Variants in LIN7A observed in about 807,000 individuals in gnomAD.
The protein encoded by LIN7A is protein lin-7 homolog A.
In LIN7A, 25 loss-of-function variants were observed where a neutral mutation model predicts 29.8. The observed-to-expected ratio is 0.84, with a 90% CI of 0.61 to 1.17. LIN7A has a LOEUF of 1.17. Among genes scored for constraint, LIN7A ranks in the 50% most tolerant of loss-of-function variants. LIN7A has a pLI of 0.00. For missense variants in LIN7A, 239 were observed against 287.0 expected (o/e 0.83, Z 1.21); for synonymous variants, 118 against 107.5 (o/e 1.10, Z -0.60).
intron 5 of LIN7A, among the ~76,000 whole-genome samples, chr12:80,808,468 T>A (rs1275818195): frequency 6.6e-6 from 1 of 152,070 alleles, no homozygotes; most frequent in Non-Finnish European, 1.5e-5. Context: ...CAGTGTCAAA[T>A]AAATAATGTG....
intron 1 of LIN7A, among the ~76,000 whole-genome samples, chr12:80,912,117 C>T (rs1876779528): frequency 6.6e-6 from 1 of 152,094 alleles, no homozygotes; most frequent in Admixed American, 6.5e-5. Context: ...GCAAATGAAA[C>T]AGGAAATTAG....
chr12:80,929,761 T>C lies in LIN7A; in HGVS notation c.82+7880A>G, dbSNP rs555165228. On this transcript the variant is annotated intron_variant, in intron 1 of 5. Transcript: ENST00000552864. The stretch of plus-strand genomic sequence containing the variant: ...CACATTTTATATATATTTTAAAATA[T>C]ATATATGGGCCAAGAGGCAACAAAT... 1.4e-3 allele frequency among the ~76,000 whole-genome samples: 214 copies of C among 152,248 alleles called. 2 individuals are homozygous for C. The highest frequency in any genetic ancestry group is 5.0e-3 in the African/African-American group (206 of 41,568).
At chr12:80,818,710 A>G (rs1364777211) in intron 4 of LIN7A, among the ~76,000 whole-genome samples, 1 of 152,218 alleles carries the variant, frequency 6.6e-6, no homozygotes, top group Non-Finnish European at 1.5e-5. Flanking sequence ...TAAGATCTGT[A>G]GCAATATGAC....
At chr12:80,819,425 T>C (rs536515152) in intron 4 of LIN7A, among the ~76,000 whole-genome samples, 1 of 152,352 alleles carries the variant, frequency 6.6e-6, no homozygotes, top group African/African-American at 2.4e-5. Flanking sequence ...TTGTTCTTGC[T>C]TTATGCTAAT....
At chr12:80,931,791 A>G (rs972139656) in intron 1 of LIN7A, among the ~76,000 whole-genome samples, 4 of 152,210 alleles carry the variant, frequency 2.6e-5, no homozygotes, top group African/African-American at 9.7e-5. Context: ...AGAGCAAGCA[A>G]GCGCTTACTT....
intron 5 of LIN7A, among the ~76,000 whole-genome samples, chr12:80,809,552 G>T (rs927550884): frequency 6.6e-6 from 1 of 152,126 alleles, no homozygotes; most frequent in Non-Finnish European, 1.5e-5. Flanking sequence ...GGAGTAAAAA[G>T]GAAAAGAATT....
rs1413563429 is a variant in LIN7A at position 80,793,463 on chromosome 12, T to C, written c.*4264A>G. 1 of 152,182 alleles carries C rather than the reference T, an allele frequency of 6.6e-6. No homozygotes were observed. The highest frequency in any genetic ancestry group is 1.5e-5 in the Non-Finnish European group (1 of 68,008). 9.4% of individuals were successfully genotyped at this position (152,182 alleles called of 1,614,324 possible). A position where few individuals can be genotyped will look rare whatever the true frequency, so the allele number is the denominator to read the frequency against. On this transcript the variant is annotated 3_prime_UTR_variant, in exon 6 of 6. Coordinates refer to ENST00000552864, the MANE Select transcript of LIN7A (RefSeq NM_004664.4). Reference sequence around the variant, plus strand: ...ATGGGGTGAGGAATTTTATTTTTTCTATCAGGTGTGAAGAGGACCCAATGG... The same window carrying C: ...ATGGGGTGAGGAATTTTATTTTTTCCATCAGGTGTGAAGAGGACCCAATGG...
rs760389788 is a variant in LIN7A at position 80,899,765 on chromosome 12, C to CTTTTTTTT, written c.83-10397_83-10396insAAAAAAAA. ...CATTTCCTCTAGGTTTTCTTTTTTTCTTTTCTTTTTTTTTTTTTTTTGAGA... is the reference window on the plus strand; with the variant it reads ...CATTTCCTCTAGGTTTTCTTTTTTTCTTTTTTTTTTTTCTTTTTTTTTTTTTTTTGAGA... On this transcript the variant is annotated intron_variant, in intron 1 of 5. Transcript: ENST00000552864. Among the ~76,000 whole-genome samples the CTTTTTTTT allele has an allele frequency of 3.6e-3, 401 of 109,946 alleles. 56 individuals are homozygous for CTTTTTTTT. Among genetic ancestry groups the CTTTTTTTT allele is most frequent in the Middle Eastern group, 8.6e-3 (1 of 116 alleles). 72.1% of individuals were successfully genotyped at this position (109,946 alleles called of 152,430 possible).
chr12:80,925,817 C>T lies in LIN7A; in HGVS notation c.82+11824G>A, dbSNP rs148825152. ...CTTGAAGAAAATAGTATTAAAATGT[C>T]ACTTTACAGTTTGCACAGTATTTTG... On this transcript the variant is annotated intron_variant, in intron 1 of 5. Coordinates refer to ENST00000552864, the MANE Select transcript of LIN7A (RefSeq NM_004664.4). 2.4e-3 allele frequency among the ~76,000 whole-genome samples: 366 copies of T among 152,294 alleles called. 6 individuals are homozygous for T. In the East Asian group the frequency reaches 0.06, roughly 25 times the overall value.
At chr12:80,862,040 G>T (rs938434194) in intron 2 of LIN7A, among the ~76,000 whole-genome samples, 2 of 152,184 alleles carry the variant, frequency 1.3e-5, no homozygotes, top group Non-Finnish European at 2.9e-5. Context: ...GATAATAGTT[G>T]TGTGACCCTC....
chr12:80,888,728 CA>C (rs1391684733), intron 2 of LIN7A, among the ~76,000 whole-genome samples: 1 of 152,148 alleles, frequency 6.6e-6, no homozygotes, highest in African/African-American at 2.4e-5. Context: ...GTCATTTCAA[CA>C]TACTTGTTTC....
intron 3 of LIN7A, 37 bp from the exon 4 acceptor site, chr12:80,845,976 A>C (rs1237752200): frequency 6.5e-7 from 1 of 1,547,740 alleles, no homozygotes; most frequent in Non-Finnish European, 8.7e-7. Flanking sequence ...TTTGGTAATA[A>C]AATGAGGGAA....
chr12:80,834,376 A>C (rs1173859110), intron 4 of LIN7A, among the ~76,000 whole-genome samples: 5 of 152,210 alleles, frequency 3.3e-5, no homozygotes. Context: ...GATAATAGGC[A>C]CCTCTGTAAA....
chr12:80,885,707 T>G (rs1288677172), intron 2 of LIN7A, among the ~76,000 whole-genome samples: 3 of 152,112 alleles, frequency 2.0e-5, no homozygotes, highest in African/African-American at 7.2e-5. Flanking sequence ...TATATTTTCA[T>G]GCTTTCTTAC....
chr12:80,861,161 A>G (rs1873855584), intron 2 of LIN7A: 1 of 152,628 alleles, frequency 6.6e-6, no homozygotes, highest in Non-Finnish European at 1.5e-5. Flanking sequence ...AGTACACAGG[A>G]GACGTCACAC....
chr12:80,853,238 T>C (rs1013580194), intron 2 of LIN7A, among the ~76,000 whole-genome samples: 3 of 152,128 alleles, frequency 2.0e-5, no homozygotes, highest in Non-Finnish European at 4.4e-5. Flanking sequence ...TTCTGTTCCT[T>C]CCAATTCTGA....
At chr12:80,858,507 C>CT (rs11353715) in intron 2 of LIN7A, among the ~76,000 whole-genome samples, 182 of 139,388 alleles carry the variant, frequency 1.3e-3, no homozygotes, top group East Asian at 2.5e-3. Context: ...GAAGAAATTT[C>CT]TTTTTTTTTT....
intron 2 of LIN7A, among the ~76,000 whole-genome samples, chr12:80,856,370 T>A (rs192857374): frequency 6.6e-6 from 1 of 152,296 alleles, no homozygotes; most frequent in East Asian, 1.9e-4. Context: ...GCTCCACCAT[T>A]AAAGCAGATA....
chr12:80,867,185 G>A (rs1017935527), intron 2 of LIN7A, among the ~76,000 whole-genome samples: 8 of 152,104 alleles, frequency 5.3e-5, no homozygotes, highest in Non-Finnish European at 1.0e-4. Context: ...GGCCTCAAGC[G>A]ATCCTGCCAC....
Sources: gnomAD v4.1 joint callset for allele counts (sites outside exome capture counted in the v4.1 genomes callset) on GRCh38, gnomAD v4.1.1 for gene constraint, MANE v1.5 for transcripts, NCBI Gene and HGNC (gene_info 2026-07-23, HGNC 2026-07-21) for gene names.